Variants in TCTN3 observed in about 807,000 individuals in gnomAD.
TCTN3 encodes the protein tectonic family member 3.
TCTN3 carries 57 observed loss-of-function variants against 71.3 expected under a neutral mutation model. That is an observed-to-expected ratio of 0.80 (90% CI 0.65 to 1.00). The LOEUF (loss-of-function observed/expected upper bound fraction) is 1.00. Ranked by LOEUF, TCTN3 falls within the 50% of genes least tolerant of loss-of-function variation. The pLI is 0.00. For synonymous variants in TCTN3, 258 were observed against 267.8 expected (o/e 0.96, Z 0.36); for missense variants, 696 against 719.9 (o/e 0.97, Z 0.38).
At chr10:95,685,683 T>G in intron 7 of TCTN3, 47 bp from the exon 8 acceptor site, 1 of 1,425,774 alleles carries the variant, frequency 7.0e-7, no homozygotes, top group Non-Finnish European at 9.7e-7. Flanking sequence ...GGCGGTATTT[T>G]GTCTTGTATC....
At chr10:95,670,079 A>AAAAAAAC (rs2097929492) in intron 13 of TCTN3, among the ~76,000 whole-genome samples, 1 of 151,598 alleles carries the variant, frequency 6.6e-6, no homozygotes, top group African/African-American at 2.4e-5. Context: ...AAAAAAAAAA[A>AAAAAAAC]AAAAAGAGTT....
intron 13 of TCTN3, among the ~76,000 whole-genome samples, chr10:95,675,369 G>A (rs2097935972): frequency 6.6e-6 from 1 of 152,062 alleles, no homozygotes; most frequent in Non-Finnish European, 1.5e-5. Context: ...TGGGATTACA[G>A]GTGTGAGCCA....
chr10:95,675,391 C>T (rs1007993533), intron 13 of TCTN3, among the ~76,000 whole-genome samples: 5 of 151,828 alleles, frequency 3.3e-5, no homozygotes, highest in East Asian at 1.9e-4. Flanking sequence ...CATGCCTGGC[C>T]GGTTATATAT....
chr10:95,676,275 GA>G (rs1364111696), intron 13 of TCTN3, among the ~76,000 whole-genome samples: 1 of 139,968 alleles, frequency 7.1e-6, no homozygotes, highest in Admixed American at 7.2e-5. Context: ...TTTTTTTTGA[GA>G]AAAAGTCTTG....
At chr10:95,682,863 T>G (rs1341300760) in intron 11 of TCTN3, 59 bp from the exon 12 acceptor site, 1 of 1,547,830 alleles carries the variant, frequency 6.5e-7, no homozygotes, top group African/African-American at 1.4e-5. Context: ...ATACCTATAT[T>G]AGTACGGTAT....
Position 95,682,774 on chromosome 10 carries a change from C to T in TCTN3, c.1329G>A (p.Gln443=). 6.2e-7 allele frequency: 1 copy of T among 1,614,038 alleles called. No homozygotes were observed. Among genetic ancestry groups the T allele is most frequent in the Non-Finnish European group, 8.5e-7 (1 of 1,179,962 alleles). Residue 443 remains glutamine (Q), a synonymous_variant, in exon 12 of 14, where the codon CAG becomes CAA. Coordinates refer to ENST00000371217, the MANE Select transcript of TCTN3 (RefSeq NM_015631.6). The part of the protein sequence containing the change: ...RLKKADCSHL[Q]QEIYQTLHGR... ...CATGAAGAGTCTGATAAATCTCCTGCTGCAAGTGGCTGCAGTCTGCCTTCT... is the reference window on the plus strand; with the variant it reads ...CATGAAGAGTCTGATAAATCTCCTGTTGCAAGTGGCTGCAGTCTGCCTTCT...
rs1430167624 is a variant in TCTN3, at chr10:95,687,583, C to A, written c.627+9G>T. The A allele has an allele frequency of 6.2e-7, 1 of 1,611,050 alleles. No homozygotes were observed. Among genetic ancestry groups the A allele is most frequent in the Non-Finnish European group, 8.5e-7 (1 of 1,179,202 alleles). Reference sequence around the variant, plus strand: ...AACCAAACAATCCCATCCCCTTCCCCAGGCTCACCCTGTAAAAAGATGGTG... The same window carrying A: ...AACCAAACAATCCCATCCCCTTCCCAAGGCTCACCCTGTAAAAAGATGGTG... On this transcript the variant is annotated intron_variant, in intron 4 of 13. Transcript: ENST00000371217.
chr10:95,685,349 T>C (rs958911077), intron 8 of TCTN3, among the ~76,000 whole-genome samples: 1 of 152,232 alleles, frequency 6.6e-6, no homozygotes, highest in South Asian at 2.1e-4. Flanking sequence ...TTCAAACTTG[T>C]TGGGAATTGT....
Position 95,687,139 on chromosome 10 carries a change from TA to T in TCTN3, c.756del (p.Ser252ArgfsTer32). The T allele has an allele frequency of 6.2e-7, 1 of 1,614,196 alleles. No individual in the cohort carries two copies. The highest frequency in any genetic ancestry group is 1.1e-5 in the South Asian group (1 of 91,082). ...TTCTTGAAAAAACGAGTGCAAGTTG[TA>T]CTTTTACTCTCTAGGAAACCTTAAA... Reference protein sequence around the residue: ...SNPAGFLESKSTTCTRFFKNL... With the variant: ...SNPAGFLESKXTTCTRFFKNL... On this transcript the variant is annotated frameshift_variant, in exon 6 of 14. Coordinates refer to ENST00000371217, the MANE Select transcript of TCTN3 (RefSeq NM_015631.6). LOFTEE classifies it high-confidence loss of function.
chr10:95,668,379 A>G (rs1196975760), intron 13 of TCTN3, among the ~76,000 whole-genome samples: 1 of 152,104 alleles, frequency 6.6e-6, no homozygotes, highest in Non-Finnish European at 1.5e-5. Context: ...ATGAATGAAG[A>G]AAAGATCTAC....
At chr10:95,668,100 A>G (rs1391445831) in intron 13 of TCTN3, among the ~76,000 whole-genome samples, 6 of 152,104 alleles carry the variant, frequency 3.9e-5, no homozygotes, top group Non-Finnish European at 8.8e-5. Flanking sequence ...AGGTATTAAA[A>G]ATCTGATGGC....
At chr10:95,684,689 G>C in intron 8 of TCTN3, 65 bp from the exon 9 acceptor site, 1 of 1,561,290 alleles carries the variant, frequency 6.4e-7, no homozygotes, top group Non-Finnish European at 8.7e-7. Flanking sequence ...TAGGACAGAA[G>C]ATTTTCTGTC....
rs1201617493 is a variant in TCTN3, at chr10:95,693,871, T to C, written c.29A>G (p.Gln10Arg). Residue 10 changes from glutamine to arginine, a missense_variant, in exon 1 of 14, where the codon CAA (glutamine) becomes CGA (arginine). Transcript: ENST00000371217. MRTPQLALL[Q>R]VFFLVFPDGV... ...ATCGGGGAACACCAGAAAGAACACT[T>C]GCAGGAGCGCGAGCTGTGGGGTGCG... is the stretch of plus-strand genomic sequence containing the variant. 4.5e-6 allele frequency: 7 copies of C among 1,551,474 alleles called. No homozygotes were observed. Among genetic ancestry groups the C allele is most frequent in the Non-Finnish European group, 5.2e-6 (6 of 1,146,986 alleles).
intron 8 of TCTN3, 88 bp downstream of exon 8, chr10:95,685,468 G>T: frequency 9.6e-7 from 1 of 1,042,878 alleles, no homozygotes; most frequent in Non-Finnish European, 1.4e-6. Context: ...ATTCAGTTGG[G>T]TCAGTCTGAT....
Position 95,685,584 on chromosome 10 carries a change from C to A in TCTN3, c.941G>T (p.Gly314Val). Residue 314 changes from glycine to valine, a missense_variant, in exon 8 of 14, where the codon GGA becomes GTA. Transcript: ENST00000371217. The part of the protein sequence containing the change: ...TSQANAPLLA[G>V]NTCQNVVSQV... Reference sequence around the variant, plus strand: ...AGAAACTACATTCTGACAAGTGTTTCCAGCCAACAGAGGAGCATTAGCCTG... The same window carrying A: ...AGAAACTACATTCTGACAAGTGTTTACAGCCAACAGAGGAGCATTAGCCTG... The A allele has an allele frequency of 6.4e-6, 10 of 1,551,490 alleles. No individual in the cohort carries two copies. The highest frequency in any genetic ancestry group is 7.8e-6 in the Non-Finnish European group (9 of 1,146,874).
At chr10:95,671,165 C>A (rs1318082789) in intron 13 of TCTN3, among the ~76,000 whole-genome samples, 1 of 152,166 alleles carries the variant, frequency 6.6e-6, no homozygotes, top group Non-Finnish European at 1.5e-5. Flanking sequence ...CTCTCAAAAT[C>A]TGGTCACCTC....
Position 95,664,172 on chromosome 10 carries a change from G to C in TCTN3, c.1719C>G (p.Phe573Leu). Residue 573 changes from phenylalanine to leucine, a missense_variant, in exon 14 of 14, where the codon TTC becomes TTG. Transcript: ENST00000371217. ...ATACTCCTCTGCTGAATGCCACTTT[G>C]AAGGGAAAGAAGTCGAATGGCCATT... ...DWKWPFDFFP[F>L]KVAFSRGVFS... 2 of 1,614,198 alleles carry C rather than the reference G, an allele frequency of 1.2e-6. No individual in the cohort carries two copies. Among genetic ancestry groups the C allele is most frequent in the Non-Finnish European group, 8.5e-7 (1 of 1,180,048 alleles).
chr10:95,664,377 C>G, intron 13 of TCTN3, 77 bp from the exon 14 acceptor site: 5 of 1,214,004 alleles, frequency 4.1e-6, no homozygotes, highest in South Asian at 2.6e-5. Flanking sequence ...GTTATTATTA[C>G]TTTCCCTGAA....
chr10:95,690,182 C>T (rs557705345), intron 3 of TCTN3, among the ~76,000 whole-genome samples: 2 of 151,840 alleles, frequency 1.3e-5, no homozygotes, highest in Non-Finnish European at 2.9e-5. Context: ...CTGGGTCTTG[C>T]TATGTTGCCA....
Sources: gnomAD v4.1 joint callset for allele counts (sites outside exome capture counted in the v4.1 genomes callset) on GRCh38, gnomAD v4.1.1 for gene constraint, MANE v1.5 for transcripts, NCBI Gene and HGNC (gene_info 2026-07-23, HGNC 2026-07-21) for gene names.